TMEM117: variants seen among roughly 807,000 people sequenced by gnomAD.
TMEM117 encodes the protein transmembrane protein 117.
Under a neutral mutation model 52.4 loss-of-function variants are expected in TMEM117, and 27 were observed. That is an observed-to-expected ratio of 0.51 (90% CI 0.38 to 0.71). The LOEUF is 0.71. TMEM117 is among the 30% of genes least tolerant of loss of function. The pLI is 0.00. For missense variants in TMEM117, 556 were observed against 630.5 expected, an observed-to-expected ratio of 0.88 and a Z score of 1.26; for synonymous variants, 215 against 206.3, an observed-to-expected ratio of 1.04 and a Z score of -0.36.
At chr12:43,959,473 A>G (rs539767559) in intron 3 of TMEM117, among the ~76,000 whole-genome samples, 98 of 152,190 alleles carry the variant, frequency 6.4e-4, no homozygotes, top group Non-Finnish European at 9.4e-4. Context: ...TTTTAATTAA[A>G]TTTTTGTTAA....
chr12:43,991,434 T>C (rs1025417761), intron 3 of TMEM117, among the ~76,000 whole-genome samples: 9 of 89,710 alleles, frequency 1.0e-4, no homozygotes, highest in African/African-American at 1.6e-4. Context: ...CAAATATTTA[T>C]TGTTATCTAT....
Position 44,388,866 on chromosome 12 carries a change from TACTCA to T in TMEM117, c.*197_*201del. On this transcript the variant is annotated 3_prime_UTR_variant, in exon 8 of 8. Coordinates refer to ENST00000266534, the MANE Select transcript of TMEM117 (RefSeq NM_032256.3). Reference sequence around the variant, plus strand: ...TATTATAATACACGTGCCTACTGTATACTCAACAGTCCTCTAGAGATTGCTTTTCA... The same window carrying T: ...TATTATAATACACGTGCCTACTGTATACAGTCCTCTAGAGATTGCTTTTCA... 3.2e-6 allele frequency: 2 copies of T among 621,334 alleles called. No individual in the cohort carries two copies. The highest frequency in any genetic ancestry group is 5.5e-6 in the Non-Finnish European group (2 of 364,612). 38.5% of individuals were successfully genotyped at this position (621,334 alleles called of 1,614,324 possible). A position where few individuals can be genotyped will look rare whatever the true frequency, so the allele number is the denominator to read the frequency against.
intron 4 of TMEM117, 30 bp from the exon 5 acceptor site, chr12:44,211,260 G>A: frequency 1.4e-6 from 2 of 1,407,384 alleles, no homozygotes; most frequent in East Asian, 2.3e-5. Flanking sequence ...ATTTCTGAAA[G>A]TGCTGAATAA....
At chr12:43,841,234 T>C (rs1190079929) in intron 1 of TMEM117, among the ~76,000 whole-genome samples, 1 of 152,232 alleles carries the variant, frequency 6.6e-6, no homozygotes, top group Non-Finnish European at 1.5e-5. Flanking sequence ...AAGAATGAGC[T>C]GTAAGCATGA....
intron 3 of TMEM117, among the ~76,000 whole-genome samples, chr12:44,059,375 T>A (rs1255020982): frequency 1.3e-5 from 2 of 152,180 alleles, no homozygotes; most frequent in African/African-American, 2.4e-5. Flanking sequence ...AAATTATATA[T>A]CACTTTTTTC....
intron 3 of TMEM117, among the ~76,000 whole-genome samples, chr12:44,045,891 C>G (rs1946874336): frequency 6.6e-6 from 1 of 152,014 alleles, no homozygotes; most frequent in Admixed American, 6.6e-5. Flanking sequence ...TACCATGTTC[C>G]CCATCATCCT....
chr12:44,173,094 G>A (rs957374228), intron 4 of TMEM117, among the ~76,000 whole-genome samples: 2 of 151,602 alleles, frequency 1.3e-5, no homozygotes, highest in African/African-American at 4.8e-5. Flanking sequence ...TTTTGTTTTT[G>A]GGATGAGGTC....
At chr12:43,997,979 T>G (rs1267860391) in intron 3 of TMEM117, among the ~76,000 whole-genome samples, 3 of 152,228 alleles carry the variant, frequency 2.0e-5, no homozygotes, top group Admixed American at 1.3e-4. Flanking sequence ...GATTCTGTGA[T>G]AGAGCTGGTT....
chr12:43,954,375 GA>G (rs531731489), intron 3 of TMEM117, among the ~76,000 whole-genome samples: 1 of 151,156 alleles, frequency 6.6e-6, no homozygotes, highest in Non-Finnish European at 1.5e-5. Context: ...CTGGTTTTTT[GA>G]AAAAAAATCA....
chr12:43,915,378 T>A (rs1944583650), intron 2 of TMEM117, among the ~76,000 whole-genome samples: 1 of 152,154 alleles, frequency 6.6e-6, no homozygotes, highest in African/African-American at 2.4e-5. Flanking sequence ...TTGAGTCTGG[T>A]TCATCAGTCA....
downstream of TMEM117, among the ~76,000 whole-genome samples, chr12:44,390,841 A>G (rs1484010158): frequency 6.6e-6 from 1 of 152,080 alleles, no homozygotes; most frequent in Non-Finnish European, 1.5e-5. Context: ...ATTTATACCA[A>G]GTAAAGATAC....
intron 3 of TMEM117, among the ~76,000 whole-genome samples, chr12:44,104,414 G>GT (rs541880336): frequency 9.4e-4 from 142 of 151,298 alleles, no homozygotes; most frequent in Middle Eastern, 3.4e-3. Flanking sequence ...GGTAATTAGG[G>GT]TTTTTTTTCC....
intron 3 of TMEM117, among the ~76,000 whole-genome samples, chr12:43,954,985 G>A (rs150684996): frequency 6.6e-6 from 1 of 152,068 alleles, no homozygotes; most frequent in Non-Finnish European, 1.5e-5. Flanking sequence ...TTCAACATAC[G>A]TAAATCAATA....
the TMEM117 span, among the ~76,000 whole-genome samples, chr12:43,812,188 T>G: frequency 6.6e-6 from 1 of 152,226 alleles, no homozygotes; most frequent in Non-Finnish European, 1.5e-5. Context: ...AATCTTACAA[T>G]TCTGGTTTCT....
At chr12:44,187,638 A>T (rs1949296149) in intron 4 of TMEM117, among the ~76,000 whole-genome samples, 1 of 152,142 alleles carries the variant, frequency 6.6e-6, no homozygotes, top group South Asian at 2.1e-4. Flanking sequence ...CTGGGTCTTG[A>T]GTTATAAATG....
At chr12:43,900,401 A>G (rs1440289437) in intron 2 of TMEM117, among the ~76,000 whole-genome samples, 1 of 152,186 alleles carries the variant, frequency 6.6e-6, no homozygotes, top group Non-Finnish European at 1.5e-5. Context: ...ATTATACTTG[A>G]AGAAACTCTC....
intron 3 of TMEM117, among the ~76,000 whole-genome samples, chr12:43,949,244 C>T (rs530622855): frequency 2.6e-5 from 4 of 152,276 alleles, no homozygotes; most frequent in African/African-American, 9.6e-5. Flanking sequence ...AAGTACAGTA[C>T]ACTTGGAAGA....
intron 6 of TMEM117, among the ~76,000 whole-genome samples, chr12:44,311,243 CG>C (rs1950971226): frequency 6.6e-6 from 1 of 151,654 alleles, no homozygotes; most frequent in African/African-American, 2.4e-5. Flanking sequence ...GAGAGATTAC[CG>C]TTTGTTCAAC....
At chr12:43,929,371 A>G (rs192726181) in intron 2 of TMEM117, among the ~76,000 whole-genome samples, 6 of 152,348 alleles carry the variant, frequency 3.9e-5, no homozygotes, top group Non-Finnish European at 5.9e-5. Flanking sequence ...ATTACCCTAA[A>G]GAGTAAAACA....
Sources: allele counts gnomAD v4.1 joint callset (sites outside exome capture counted in the v4.1 genomes callset), GRCh38; gene constraint gnomAD v4.1.1; transcripts MANE v1.5; gene names NCBI Gene and HGNC (gene_info 2026-07-23, HGNC 2026-07-21).